The following RALGAPA1 variants were observed in gnomAD, a reference collection of about 807,000 sequenced individuals.
The protein encoded by RALGAPA1 is Ral GTPase activating protein catalytic subunit alpha 1, also known as ral GTPase-activating protein subunit alpha-1.
RALGAPA1 carries 52 observed loss-of-function variants against 269.6 expected under a neutral mutation model. The ratio of observed to expected loss-of-function variants is 0.19; its 90% CI spans 0.15 to 0.24. RALGAPA1 has a LOEUF of 0.24. Ranked by LOEUF, RALGAPA1 falls within the 10% of genes least tolerant of loss-of-function variation. The pLI, the probability that RALGAPA1 is intolerant of heterozygous loss-of-function variation, is 1.00. For missense variants in RALGAPA1, 1,917 were observed against 3,013.9 expected (o/e 0.64, Z 8.52); for synonymous variants, 817 against 1,008.3 (o/e 0.81, Z 3.60).
At chr14:35,662,012 G>A (rs1256059913) in intron 27 of RALGAPA1, among the ~76,000 whole-genome samples, 10 of 152,132 alleles carry the variant, frequency 6.6e-5, no homozygotes, top group Admixed American at 3.9e-4. Flanking sequence ...CTTTGGTGAT[G>A]ACGAAAATGT....
At chr14:35,730,771 GCCCCCAC>G (rs1344556232) in intron 12 of RALGAPA1, among the ~76,000 whole-genome samples, 1 of 152,052 alleles carries the variant, frequency 6.6e-6, no homozygotes, top group African/African-American at 2.4e-5. Flanking sequence ...ACCTAGCCCT[GCCCCCAC>G]CTGATGGGCC....
intron 1 of RALGAPA1, among the ~76,000 whole-genome samples, chr14:35,787,206 C>T (rs1013131850): frequency 6.6e-6 from 1 of 152,226 alleles, no homozygotes; most frequent in Non-Finnish European, 1.5e-5. Context: ...GGTTCTCACA[C>T]TATCTGTGAA....
At chr14:35,732,853 A>C (rs2070634722) in intron 12 of RALGAPA1, among the ~76,000 whole-genome samples, 1 of 152,200 alleles carries the variant, frequency 6.6e-6, no homozygotes. Flanking sequence ...AGACAGAAAG[A>C]CAACAAAGAA....
At chr14:35,715,783 C>T (rs1731924603) in intron 16 of RALGAPA1, 1 of 985,182 alleles carries the variant, frequency 1.0e-6, no homozygotes, top group African/African-American at 1.7e-5. Flanking sequence ...AACCTTGAAG[C>T]TTGCTCAAGT....
chr14:35,694,858 C>A (rs2066772699), intron 17 of RALGAPA1, among the ~76,000 whole-genome samples: 2 of 152,026 alleles, frequency 1.3e-5, no homozygotes, highest in Non-Finnish European at 2.9e-5. Flanking sequence ...GGGTGGACCA[C>A]CTGAGGTCAA....
At chr14:35,740,321 T>G (rs2071426473) in intron 11 of RALGAPA1, among the ~76,000 whole-genome samples, 1 of 152,200 alleles carries the variant, frequency 6.6e-6, no homozygotes, top group Admixed American at 6.5e-5. Flanking sequence ...AACCAAAAGC[T>G]TTGTATGGTA....
chr14:35,712,306 G>C (rs963621995), intron 16 of RALGAPA1, among the ~76,000 whole-genome samples: 2 of 150,488 alleles, frequency 1.3e-5, no homozygotes, highest in Non-Finnish European at 1.5e-5. Context: ...CTTTTCCAGT[G>C]TTGGTGGTAA....
chr14:35,690,063 A>C, intron 17 of RALGAPA1, 60 bp from the exon 18 acceptor site: 1 of 1,199,178 alleles, frequency 8.3e-7, no homozygotes, highest in African/African-American at 1.6e-5. Context: ...AATAATTATT[A>C]ATTTCAATAA....
chr14:35,541,523 CAT>C (rs924641608), intron 41 of RALGAPA1, among the ~76,000 whole-genome samples: 14 of 151,966 alleles, frequency 9.2e-5, no homozygotes, highest in Middle Eastern at 3.2e-3. Context: ...GAGAAGGAAA[CAT>C]ATTTCTGTTC....
chr14:35,665,804 T>C (rs566408458), intron 26 of RALGAPA1, among the ~76,000 whole-genome samples: 13 of 152,260 alleles, frequency 8.5e-5, no homozygotes, highest in Admixed American at 6.5e-4. Flanking sequence ...TTTTTCTGTA[T>C]AGGTAGATGA....
chr14:35,604,197 C>G (rs533883573), intron 36 of RALGAPA1, among the ~76,000 whole-genome samples: 1 of 152,108 alleles, frequency 6.6e-6, no homozygotes, highest in Admixed American at 6.5e-5. Context: ...CTACCAACAA[C>G]CACCTTGACC....
chr14:35,774,980 GAA>G (rs1943000053), intron 3 of RALGAPA1, 24 bp downstream of exon 3: 1 of 1,443,918 alleles, frequency 6.9e-7, no homozygotes, highest in African/African-American at 1.4e-5. Flanking sequence ...TTGAAAAAGG[GAA>G]AAGTTAGGTT....
Position 35,808,960 on chromosome 14 carries a change from C to A in RALGAPA1, c.-125G>T, listed in dbSNP as rs1316708355. 3 of 1,454,968 alleles carry A rather than the reference C, an allele frequency of 2.1e-6. No homozygotes were observed. In the African/African-American group the frequency reaches 4.3e-5, roughly 21 times the overall value. The allele number at this position is 1,454,968 out of a possible 1,614,324, so 90.1% of individuals were successfully genotyped here. ...GAGGCTCATTAGCTCCCCAGCCTTGCGGGCCAGGGCAGAGCCGACTCCTTC... is the reference window on the plus strand; with the variant it reads ...GAGGCTCATTAGCTCCCCAGCCTTGAGGGCCAGGGCAGAGCCGACTCCTTC... On this transcript the variant is annotated 5_prime_UTR_variant, in exon 1 of 42. Transcript: ENST00000680220.
intron 16 of RALGAPA1, among the ~76,000 whole-genome samples, chr14:35,711,301 T>C (rs2068313128): frequency 6.6e-6 from 1 of 152,202 alleles, no homozygotes; most frequent in Non-Finnish European, 1.5e-5. Flanking sequence ...TTTTTTTATA[T>C]TCCACTCTTT....
intron 9 of RALGAPA1, among the ~76,000 whole-genome samples, chr14:35,749,955 T>C (rs1289720642): frequency 2.0e-5 from 3 of 151,822 alleles, no homozygotes; most frequent in Non-Finnish European, 2.9e-5. Context: ...AAATAGAAGA[T>C]AAAAAAGAAG....
intron 37 of RALGAPA1, among the ~76,000 whole-genome samples, chr14:35,588,415 T>C (rs1210117960): frequency 6.6e-6 from 1 of 152,360 alleles, no homozygotes; most frequent in East Asian, 1.9e-4. Context: ...AAGTGCCATA[T>C]AATTAGCAAG....
intron 1 of RALGAPA1, among the ~76,000 whole-genome samples, chr14:35,779,516 A>C (rs2075290083): frequency 1.3e-5 from 2 of 151,912 alleles, no homozygotes; most frequent in South Asian, 4.1e-4. Flanking sequence ...CAACAAAGCG[A>C]GACCTTGTCA....
chr14:35,650,561 C>G (rs1365951953), intron 31 of RALGAPA1, among the ~76,000 whole-genome samples: 1 of 151,886 alleles, frequency 6.6e-6, no homozygotes, highest in African/African-American at 2.4e-5. Flanking sequence ...CACATGAAAT[C>G]AGTAAGAAAT....
At chr14:35,676,647 T>A (rs1461468816) in intron 22 of RALGAPA1, 1 of 152,228 alleles carries the variant, frequency 6.6e-6, no homozygotes, top group Non-Finnish European at 1.5e-5. Context: ...ATGGCCATTA[T>A]ATTGTGGTTA....
Sources: gnomAD v4.1 joint callset for allele counts (sites outside exome capture counted in the v4.1 genomes callset) on GRCh38, gnomAD v4.1.1 for gene constraint, MANE v1.5 for transcripts, NCBI Gene and HGNC (gene_info 2026-07-23, HGNC 2026-07-21) for gene names.